The following AUH variants were observed in gnomAD, a reference collection of about 807,000 sequenced individuals.
AUH encodes the protein methylglutaconyl-CoA hydratase, mitochondrial.
In AUH, 29 loss-of-function variants were observed where a neutral mutation model predicts 42.3. That is an observed-to-expected ratio of 0.69 (90% confidence interval 0.51 to 0.93). The LOEUF (loss-of-function observed/expected upper bound fraction) is 0.93, where lower values mean the gene tolerates loss of function less well. AUH is among the 40% of genes least tolerant of loss of function. AUH has a pLI of 0.00. For missense variants in AUH, 452 were observed against 438.1 expected, an observed-to-expected ratio of 1.03 and a Z score of -0.28; for synonymous variants, 174 against 166.4, an observed-to-expected ratio of 1.05 and a Z score of -0.35.
chr9:91,249,292 C>CAA lies in AUH; in HGVS notation c.656-28302_656-28301dup, dbSNP rs59102669. Among the ~76,000 whole-genome samples, 288 of 32,496 alleles carry CAA rather than the reference C, an allele frequency of 8.9e-3. 13 individuals are homozygous for CAA. Among genetic ancestry groups the CAA allele is most frequent in the African/African-American group, 0.013 (127 of 9,852 alleles). 21.3% of individuals were successfully genotyped at this position (32,496 alleles called of 152,430 possible). ...TGCCTGGGCGACAGAGAACCTGTCT[C>CAA]AAAAAAAAAAAAAAAAAAAAAAAAA... On this transcript the variant is annotated intron_variant, in intron 6 of 9. Transcript: ENST00000375731.
intron 4 of AUH, among the ~76,000 whole-genome samples, chr9:91,320,333 CTAACT>C (rs1000574931): frequency 3.3e-5 from 5 of 152,170 alleles, no homozygotes; most frequent in Non-Finnish European, 7.3e-5. Flanking sequence ...GAACTGCAAC[CTAACT>C]TAATAGGTAG....
At chr9:91,324,222 G>T (rs919034892) in intron 4 of AUH, among the ~76,000 whole-genome samples, 1 of 152,220 alleles carries the variant, frequency 6.6e-6, no homozygotes, top group Non-Finnish European at 1.5e-5. Flanking sequence ...TGAAGAAAAG[G>T]CTGAGTAATG....
At chr9:91,218,535 T>G (rs1384012646) in intron 7 of AUH, 3 of 839,458 alleles carry the variant, frequency 3.6e-6, no homozygotes, top group East Asian at 1.2e-4. Flanking sequence ...GGCCTGAGAT[T>G]CTGCACGTCT....
intron 3 of AUH, among the ~76,000 whole-genome samples, chr9:91,336,122 A>C (rs967461157): frequency 6.6e-6 from 1 of 152,204 alleles, no homozygotes; most frequent in African/African-American, 2.4e-5. Context: ...AATAATAGTG[A>C]AAAAACAACT....
rs753032086 is a variant in AUH, at chr9:91,220,981, G to A, written c.667C>T (p.Arg223Ter). ...GACATTCCAATGGCGCGTGGCAATC[G>A]CTGTGTCCCCCCTGAGGGGTGAAAG... ...AIIPGGGGTQ[R>*]LPRAIGMSLA... The change falls in exon 7 of 10, where the codon CGA becomes TGA. Residue 223 changes from arginine (R) to a stop codon, truncating the protein, a stop_gained. Coordinates refer to ENST00000375731, the MANE Select transcript of AUH (RefSeq NM_001698.3). LOFTEE classifies it high-confidence loss of function. The A allele has an allele frequency of 4.3e-6, 7 of 1,614,028 alleles. No individual in the cohort carries two copies. Among genetic ancestry groups the A allele is most frequent in the Non-Finnish European group, 4.2e-6 (5 of 1,180,038 alleles).
chr9:91,308,575 A>G (rs2131736860), intron 4 of AUH, among the ~76,000 whole-genome samples: 2 of 152,342 alleles, frequency 1.3e-5, no homozygotes, highest in South Asian at 4.1e-4. Context: ...ATAATTCGGC[A>G]CTTCAAATTT....
intron 6 of AUH, 121 bp from the exon 7 acceptor site, chr9:91,221,113 G>A: frequency 4.4e-6 from 5 of 1,142,124 alleles, no homozygotes; most frequent in Non-Finnish European, 6.3e-6. Context: ...GTTAAAATTA[G>A]TAGCTGGAAA....
intron 6 of AUH, among the ~76,000 whole-genome samples, chr9:91,272,368 C>T (rs935000202): frequency 2.6e-5 from 4 of 152,216 alleles, no homozygotes; most frequent in Non-Finnish European, 4.4e-5. Context: ...CAGCTTGCTA[C>T]TCTTTTAAAA....
At chr9:91,343,527 G>T (rs2131993294) in intron 3 of AUH, among the ~76,000 whole-genome samples, 1 of 152,324 alleles carries the variant, frequency 6.6e-6, no homozygotes, top group East Asian at 1.9e-4. Context: ...AACACTTTGG[G>T]AGGCTGAGGC....
At chr9:91,331,763 T>C (rs749501429) in intron 3 of AUH, among the ~76,000 whole-genome samples, 43 of 152,260 alleles carry the variant, frequency 2.8e-4, no homozygotes, top group Non-Finnish European at 4.7e-4. Context: ...TCTATACTTA[T>C]ATTTGCAGTA....
intron 6 of AUH, among the ~76,000 whole-genome samples, chr9:91,222,432 C>T (rs1827185429): frequency 6.6e-6 from 1 of 152,154 alleles, no homozygotes; most frequent in Non-Finnish European, 1.5e-5. Context: ...AGACTGTTTT[C>T]AAACAAATAC....
At chr9:91,228,375 T>C (rs1744619692) in intron 6 of AUH, among the ~76,000 whole-genome samples, 1 of 150,720 alleles carries the variant, frequency 6.6e-6, no homozygotes, top group Non-Finnish European at 1.5e-5. Flanking sequence ...TGGTAGTTTG[T>C]ATTTCTGTGG....
At chr9:91,325,964 T>A (rs1198347812) in intron 3 of AUH, among the ~76,000 whole-genome samples, 4 of 152,160 alleles carry the variant, frequency 2.6e-5, no homozygotes, top group African/African-American at 9.7e-5. Flanking sequence ...GGGAGAAGCA[T>A]AGATTTAAAG....
chr9:91,245,170 C>T (rs908859187), intron 6 of AUH, among the ~76,000 whole-genome samples: 17 of 152,112 alleles, frequency 1.1e-4, no homozygotes, highest in African/African-American at 4.1e-4. Context: ...GCTGGGAGCA[C>T]ACACAAGAGA....
intron 3 of AUH, among the ~76,000 whole-genome samples, chr9:91,347,561 G>T (rs2132024645): frequency 6.6e-6 from 1 of 152,188 alleles, no homozygotes; most frequent in African/African-American, 2.4e-5. Flanking sequence ...GCTATCTAGG[G>T]TCATCTCATT....
chr9:91,229,646 G>A (rs965541579), intron 6 of AUH, among the ~76,000 whole-genome samples: 1 of 152,002 alleles, frequency 6.6e-6, no homozygotes, highest in African/African-American at 2.4e-5. Context: ...TTTCTTCCTA[G>A]TCTCGATGGT....
intron 6 of AUH, among the ~76,000 whole-genome samples, chr9:91,226,579 G>T (rs1305464479): frequency 3.6e-5 from 5 of 140,100 alleles, no homozygotes; most frequent in South Asian, 4.8e-4. Context: ...GTCAATTTTG[G>T]CTTTTGTTGC....
At chr9:91,228,464 C>T (rs1206554511) in intron 6 of AUH, among the ~76,000 whole-genome samples, 125 of 148,324 alleles carry the variant, frequency 8.4e-4, no homozygotes, top group African/African-American at 2.9e-3. Context: ...ATTAGTCTTG[C>T]TAGCGGTCTA....
intron 6 of AUH, among the ~76,000 whole-genome samples, chr9:91,251,870 T>C (rs1209810168): frequency 6.6e-6 from 1 of 152,252 alleles, no homozygotes; most frequent in Non-Finnish European, 1.5e-5. Context: ...CTCCTTACTG[T>C]TAAACGGTTC....
Sources: gnomAD v4.1 joint callset for allele counts (sites outside exome capture counted in the v4.1 genomes callset) on GRCh38, gnomAD v4.1.1 for gene constraint, MANE v1.5 for transcripts, NCBI Gene and HGNC (gene_info 2026-07-23, HGNC 2026-07-21) for gene names.